The following CDK15 variants were observed in gnomAD, a reference collection of about 807,000 sequenced individuals.
CDK15 encodes cyclin dependent kinase 15, also known as cyclin-dependent kinase 15.
Under a neutral mutation model 60.3 loss-of-function variants are expected in CDK15, and 62 were observed. That is an observed-to-expected ratio of 1.03 (90% CI 0.84 to 1.27). The LOEUF (loss-of-function observed/expected upper bound fraction) is 1.27. Among genes scored for constraint, CDK15 ranks in the 50% most tolerant of loss-of-function variants. The pLI is 0.00. For missense variants in CDK15, 541 were observed against 527.8 expected, an observed-to-expected ratio of 1.03 and a Z score of -0.25; for synonymous variants, 194 against 195.7, an observed-to-expected ratio of 0.99 and a Z score of 0.07.
At chr2:201,862,402 C>T (rs1055190725) in intron 10 of CDK15, among the ~76,000 whole-genome samples, 1 of 152,184 alleles carries the variant, frequency 6.6e-6, no homozygotes, top group Non-Finnish European at 1.5e-5. Flanking sequence ...CCCTACCTGG[C>T]ACATAATAAG....
chr2:201,864,411 G>A (rs2105804276), intron 10 of CDK15, among the ~76,000 whole-genome samples: 1 of 152,304 alleles, frequency 6.6e-6, no homozygotes, highest in Non-Finnish European at 1.5e-5. Context: ...TCCGCCTCCA[G>A]GGTTCAAGTG....
chr2:201,839,834 G>A (rs1697292308), intron 8 of CDK15, among the ~76,000 whole-genome samples: 1 of 152,132 alleles, frequency 6.6e-6, no homozygotes, highest in African/African-American at 2.4e-5. Flanking sequence ...CCTCCAAATT[G>A]CGAAATCCTT....
chr2:201,849,549 A>T (rs545894718), intron 9 of CDK15, among the ~76,000 whole-genome samples: 3 of 149,172 alleles, frequency 2.0e-5, no homozygotes, highest in African/African-American at 4.9e-5. Context: ...GCCAAGGGGG[A>T]AAAAAAAAAG....
chr2:201,888,033 CTTTTTTT>C (rs80136808), intron 12 of CDK15, among the ~76,000 whole-genome samples: 3 of 126,456 alleles, frequency 2.4e-5, no homozygotes, highest in African/African-American at 5.8e-5. Context: ...AATTTTCAAC[CTTTTTTT>C]TTTTTTTTTT....
chr2:201,842,953 G>C (rs2105764960), intron 8 of CDK15, among the ~76,000 whole-genome samples: 1 of 152,116 alleles, frequency 6.6e-6, no homozygotes, highest in African/African-American at 2.4e-5. Flanking sequence ...AGATATGTAG[G>C]GTAAGAGGAG....
chr2:201,811,812 T>C (rs1175642932), intron 3 of CDK15, among the ~76,000 whole-genome samples: 1 of 152,176 alleles, frequency 6.6e-6, no homozygotes, highest in African/African-American at 2.4e-5. Context: ...TTGAAAAGTA[T>C]GCCTCCAACT....
intron 12 of CDK15, chr2:201,889,561 G>C: frequency 2.9e-6 from 1 of 343,844 alleles, no homozygotes; most frequent in Non-Finnish European, 4.1e-6. Context: ...ACTTTTGGAG[G>C]AACTGGCTTG....
chr2:201,891,860 T>C (rs1699649526), intron 13 of CDK15, among the ~76,000 whole-genome samples: 1 of 152,104 alleles, frequency 6.6e-6, no homozygotes, highest in African/African-American at 2.4e-5. Flanking sequence ...ACAAGCATTA[T>C]CCTATGATTT....
At chr2:201,842,766 C>T (rs994798789) in intron 8 of CDK15, among the ~76,000 whole-genome samples, 1 of 152,206 alleles carries the variant, frequency 6.6e-6, no homozygotes, top group Non-Finnish European at 1.5e-5. Context: ...TTTCCTCTAA[C>T]TTGACTGAAG....
intron 10 of CDK15, among the ~76,000 whole-genome samples, chr2:201,866,180 G>A (rs764006481): frequency 6.6e-6 from 1 of 152,198 alleles, no homozygotes; most frequent in South Asian, 2.1e-4. Context: ...GGTATCTCAA[G>A]AATGCATTGT....
intron 6 of CDK15, among the ~76,000 whole-genome samples, chr2:201,826,872 TAGACTGC>T (rs1363721541): frequency 2.0e-5 from 3 of 152,364 alleles, no homozygotes. Flanking sequence ...TTTCTTACTG[TAGACTGC>T]AGTCAAAAAA....
At chr2:201,884,771 G>T (rs958493744) in intron 12 of CDK15, among the ~76,000 whole-genome samples, 1 of 152,182 alleles carries the variant, frequency 6.6e-6, no homozygotes, top group African/African-American at 2.4e-5. Context: ...TTTCTTGCAT[G>T]GTGGGAGAAT....
rs11901213 is a variant in CDK15, at chr2:201,864,902, A to G, written c.1010-7376A>G. Among the ~76,000 whole-genome samples the G allele has an allele frequency of 2.4e-3, 373 of 152,342 alleles. 3 individuals are homozygous for G. Among genetic ancestry groups the G allele is most frequent in the African/African-American group, 8.6e-3 (358 of 41,566 alleles). On this transcript the variant is annotated intron_variant, in intron 10 of 13. Coordinates refer to ENST00000652192, the MANE Select transcript of CDK15 (RefSeq NM_001366386.2). ...ACAGAAGTCACATGCTTAAATCGGT[A>G]TTTAAAGCCTCAGGTGTGAATTTAG...
chr2:201,836,066 ATTTATAT>A (rs1287368031), intron 8 of CDK15, among the ~76,000 whole-genome samples: 1 of 14,316 alleles, frequency 7.0e-5, no homozygotes, highest in African/African-American at 1.6e-4. Context: ...TATTATATAT[ATTTATAT>A]TTATATATAT....
At chr2:201,872,438 G>T (rs983633103) in intron 11 of CDK15, 112 bp downstream of exon 11, 15 of 1,127,416 alleles carry the variant, frequency 1.3e-5, no homozygotes, top group Non-Finnish European at 1.9e-5. Context: ...TCCATGTGGG[G>T]GCTCTAAGCT....
At chr2:201,844,828 C>A (rs550589184) in intron 8 of CDK15, among the ~76,000 whole-genome samples, 4 of 151,612 alleles carry the variant, frequency 2.6e-5, no homozygotes, top group South Asian at 4.2e-4. Flanking sequence ...TAAAATGGGG[C>A]TGTTATATCC....
At chr2:201,811,730 G>C (rs1695777801) in intron 3 of CDK15, among the ~76,000 whole-genome samples, 1 of 152,154 alleles carries the variant, frequency 6.6e-6, no homozygotes, top group Non-Finnish European at 1.5e-5. Flanking sequence ...GCAAGAATTT[G>C]GCTTTTATTC....
rs1351202760 is a variant in CDK15 at position 201,890,869 on chromosome 2, C to G, written c.1283C>G (p.Pro428Arg). 6.2e-7 allele frequency: 1 copy of G among 1,613,614 alleles called. No individual in the cohort carries two copies. The highest frequency in any genetic ancestry group is 2.2e-5 in the East Asian group (1 of 44,854). ...LLASYQKGHH[P>R]AQFSKCW ...GCCTCCTACCAGAAAGGTCACCACC[C>G]AGCCCAGTTTAGCAAATGCTGGTGA... The change falls in exon 13 of 14, where the codon CCA (proline) becomes CGA (arginine). Residue 428 changes from proline (P) to arginine (R), a missense_variant. Pro to Arg is a moderately radical substitution (Grantham distance 103). Coordinates refer to ENST00000652192, the MANE Select transcript of CDK15 (RefSeq NM_001366386.2).
chr2:201,808,226 T>C (rs1303116402), intron 3 of CDK15, among the ~76,000 whole-genome samples: 1 of 152,230 alleles, frequency 6.6e-6, no homozygotes, highest in African/African-American at 2.4e-5. Context: ...AGACATTCTC[T>C]ACTACTGACC....
Sources: allele counts gnomAD v4.1 joint callset (sites outside exome capture counted in the v4.1 genomes callset), GRCh38; gene constraint gnomAD v4.1.1; transcripts MANE v1.5; gene names NCBI Gene and HGNC (gene_info 2026-07-23, HGNC 2026-07-21).